The following DIS3L2 variants were observed in gnomAD, a reference collection of about 807,000 sequenced individuals.
The protein encoded by DIS3L2 is DIS3 like 3'-5' exoribonuclease 2.
DIS3L2 carries 34 observed loss-of-function variants against 97.5 expected under a neutral mutation model. That is an observed-to-expected ratio of 0.35 (90% CI 0.27 to 0.46). The LOEUF (loss-of-function observed/expected upper bound fraction) is 0.46. Among genes scored for constraint, DIS3L2 ranks in the 20% least tolerant of loss-of-function variants. DIS3L2 has a pLI of 1.00. For missense variants in DIS3L2, 1,038 were observed against 1,146.0 expected (o/e 0.91, Z 1.36); for synonymous variants, 435 against 445.2 (o/e 0.98, Z 0.29).
chr2:231,974,180 G>A (rs12988522), intron 1 of DIS3L2, among the ~76,000 whole-genome samples: 20,355 of 152,136 alleles, frequency 0.13, 1,859 homozygotes, highest in South Asian at 0.34. Flanking sequence ...GGGGGACAAG[G>A]GGGTGTGCTT....
chr2:232,155,729 G>A (rs957793331), intron 8 of DIS3L2, among the ~76,000 whole-genome samples: 3 of 152,150 alleles, frequency 2.0e-5, no homozygotes, highest in African/African-American at 7.2e-5. Flanking sequence ...GGTGGCTCAC[G>A]CCTGTAATCC....
At chr2:232,329,786 C>CCCGGGGGGCCG in intron 14 of DIS3L2, 27 bp from the exon 15 acceptor site, 1 of 430,238 alleles carries the variant, frequency 2.3e-6, no homozygotes, top group Non-Finnish European at 4.2e-6. Flanking sequence ...CCCCAGCGGT[C>CCCGGGGGGCCG]CCTCCCATCC....
intron 6 of DIS3L2, among the ~76,000 whole-genome samples, chr2:232,097,980 G>A (rs954902060): frequency 7.2e-5 from 11 of 152,122 alleles, no homozygotes; most frequent in African/African-American, 2.4e-4. Context: ...GAGTCCTACC[G>A]TGACTGAGTC....
At chr2:232,222,307 T>TCAGAGGGCATTCCAAC (rs139976173) in intron 10 of DIS3L2, among the ~76,000 whole-genome samples, 33,581 of 152,050 alleles carry the variant, frequency 0.22, 4,863 homozygotes, top group East Asian at 0.76. Context: ...GTATTTTATG[T>TCAGAGGGCATTCCAAC]CTCAGGCAGA....
intron 9 of DIS3L2, among the ~76,000 whole-genome samples, chr2:232,183,525 C>T (rs1402671474): frequency 1.3e-5 from 2 of 152,200 alleles, no homozygotes; most frequent in Admixed American, 1.3e-4. Context: ...GAGTGTAAGA[C>T]CCTTCTTAAG....
At chr2:232,116,289 A>C (rs774992084) in intron 6 of DIS3L2, among the ~76,000 whole-genome samples, 2 of 152,234 alleles carry the variant, frequency 1.3e-5, no homozygotes. Flanking sequence ...GGCTCGAGCC[A>C]GTCAAGTAGC....
At chr2:232,086,758 C>A (rs1696665427) in intron 5 of DIS3L2, among the ~76,000 whole-genome samples, 1 of 149,724 alleles carries the variant, frequency 6.7e-6, no homozygotes, top group African/African-American at 2.5e-5. Flanking sequence ...CGGCTCGCTG[C>A]AAGCTCCGCC....
At chr2:232,163,730 A>T in intron 9 of DIS3L2, 98 bp downstream of exon 9, 4 of 1,388,134 alleles carry the variant, frequency 2.9e-6, no homozygotes, top group Non-Finnish European at 3.8e-6. Context: ...ACGAACATTC[A>T]AGTTCAGTTC....
chr2:232,310,876 C>A (rs1468606224), intron 14 of DIS3L2, among the ~76,000 whole-genome samples: 2 of 152,244 alleles, frequency 1.3e-5, no homozygotes, highest in Non-Finnish European at 2.9e-5. Context: ...TCCATCTCCT[C>A]TGGAGTCACA....
chr2:232,263,093 A>G lies in DIS3L2; in HGVS notation c.1426-114A>G, dbSNP rs538474480. 17 of 1,090,438 alleles carry G rather than the reference A, an allele frequency of 1.6e-5. No homozygotes were observed. The South Asian group carries it at 2.0e-4, about 13-fold the overall frequency. The allele number at this position is 1,090,438 out of a possible 1,614,324, so 67.5% of individuals were successfully genotyped here. ...CTGAACCTGCCACCATTCCGAGCACACAGTCAGTGCTCAATAAATCTTTGT... is the reference window on the plus strand; with the variant it reads ...CTGAACCTGCCACCATTCCGAGCACGCAGTCAGTGCTCAATAAATCTTTGT... On this transcript the variant is annotated intron_variant, in intron 12 of 20. Transcript: ENST00000325385.
At chr2:232,258,687 A>G (rs1341668490) in intron 12 of DIS3L2, among the ~76,000 whole-genome samples, 1 of 150,724 alleles carries the variant, frequency 6.6e-6, no homozygotes, top group East Asian at 1.9e-4. Flanking sequence ...TGCTGTTTCT[A>G]CTTTTTCCGT....
chr2:232,292,062 C>T lies in DIS3L2; in HGVS notation c.1660-7978C>T, dbSNP rs1156570910. ...TGGGCCAGCCAAAGATCTACCTGTT[C>T]AGTAGCCCAGAGGGACCCCTGGCAT... is the stretch of plus-strand genomic sequence containing the variant. On this transcript the variant is annotated intron_variant, in intron 13 of 20. Coordinates refer to ENST00000325385, the MANE Select transcript of DIS3L2 (RefSeq NM_152383.5). This position sits in a 1 kb window ranked among gnomAD's most constrained non-coding sequence, Gnocchi z 4.4. Among the ~76,000 whole-genome samples, 2 of 152,114 alleles carry T rather than the reference C, an allele frequency of 1.3e-5. No individual in the cohort carries two copies. The highest frequency in any genetic ancestry group is 4.8e-5 in the African/African-American group (2 of 41,406).
chr2:232,126,106 C>G (rs1455957643), intron 6 of DIS3L2, among the ~76,000 whole-genome samples: 2 of 152,186 alleles, frequency 1.3e-5, no homozygotes, highest in African/African-American at 2.4e-5. Context: ...CACCTAGATT[C>G]TAACCTCAGC....
intron 6 of DIS3L2, among the ~76,000 whole-genome samples, chr2:232,094,385 C>T (rs543047494): frequency 6.6e-6 from 1 of 152,150 alleles, no homozygotes; most frequent in Non-Finnish European, 1.5e-5. Context: ...GATTTTCTGT[C>T]TGCGAGATCT....
intron 1 of DIS3L2, among the ~76,000 whole-genome samples, chr2:231,968,494 A>G (rs1692793992): frequency 6.6e-6 from 1 of 152,116 alleles, no homozygotes; most frequent in African/African-American, 2.4e-5. Context: ...TCCTTCTTTC[A>G]CTCAGCATAA....
chr2:232,191,530 G>A (rs1458093369), intron 9 of DIS3L2, among the ~76,000 whole-genome samples: 1 of 152,198 alleles, frequency 6.6e-6, no homozygotes, highest in Non-Finnish European at 1.5e-5. Flanking sequence ...AACCATTTGA[G>A]CAGTTGTAGC....
intron 8 of DIS3L2, among the ~76,000 whole-genome samples, chr2:232,143,133 C>T (rs746109535): frequency 1.8e-4 from 27 of 152,124 alleles, no homozygotes; most frequent in Non-Finnish European, 2.8e-4. Context: ...TTCTTTAAGG[C>T]AAAGAGGCCA....
chr2:232,036,732 A>T (rs189914393), intron 5 of DIS3L2, among the ~76,000 whole-genome samples: 1 of 152,084 alleles, frequency 6.6e-6, no homozygotes, highest in East Asian at 1.9e-4. Context: ...GTTGATGTTG[A>T]TGCTATTGCT....
At chr2:232,022,872 A>C (rs1232829616) in intron 3 of DIS3L2, among the ~76,000 whole-genome samples, 1 of 152,102 alleles carries the variant, frequency 6.6e-6, no homozygotes, top group African/African-American at 2.4e-5. Flanking sequence ...CTAGAAGTGG[A>C]TTTACTGTGA....
Sources: gnomAD v4.1 joint callset for allele counts (sites outside exome capture counted in the v4.1 genomes callset) on GRCh38, gnomAD v4.1.1 for gene constraint, Gnocchi (gnomAD v3.1) non-coding constraint, MANE v1.5 for transcripts, NCBI Gene and HGNC (gene_info 2026-07-23, HGNC 2026-07-21) for gene names.